Variants in STAB2 observed in about 807,000 individuals in gnomAD.
STAB2 encodes stabilin-2.
Under a neutral mutation model 338.1 loss-of-function variants are expected in STAB2, and 288 were observed. That is an observed-to-expected ratio of 0.85 (90% confidence interval 0.77 to 0.94). STAB2 has a LOEUF of 0.94. Ranked by LOEUF, STAB2 falls within the 40% of genes least tolerant of loss-of-function variation. The pLI is 0.00. For synonymous variants in STAB2, 1,202 were observed against 1,193.3 expected (o/e 1.01, Z -0.15); for missense variants, 3,141 against 3,210.1 (o/e 0.98, Z 0.52).
intron 44 of STAB2, among the ~76,000 whole-genome samples, chr12:103,723,684 G>A (rs11111736): frequency 0.084 from 12,723 of 152,204 alleles, 1,184 homozygotes; most frequent in African/African-American, 0.23. Context: ...AAGTTAGAGT[G>A]GGGCCCAGGA....
rs755366193 is a variant in STAB2 at position 103,750,721 on chromosome 12, G to T, written c.6580+1G>T. On this transcript the variant is annotated splice_donor_variant, in intron 60 of 68. Transcript: ENST00000388887. LOFTEE classifies it high-confidence loss of function. ...AAATGTGTCGACCTCCACTTCCAGG[G>T]TTAGTGTGACCAGGGCCTATGGCCC... is the stretch of plus-strand genomic sequence containing the variant. 5.6e-6 allele frequency: 9 copies of T among 1,612,082 alleles called. No individual in the cohort carries two copies. Among genetic ancestry groups the T allele is most frequent in the Non-Finnish European group, 6.8e-6 (8 of 1,178,490 alleles).
intron 6 of STAB2, 103 bp downstream of exon 6, chr12:103,631,796 C>T: frequency 9.4e-7 from 1 of 1,058,454 alleles, no homozygotes; most frequent in South Asian, 1.5e-5. Flanking sequence ...GGGCAAGGTA[C>T]TACCAAAAGT....
chr12:103,634,928 C>G (rs934168050), intron 6 of STAB2, among the ~76,000 whole-genome samples: 3 of 152,206 alleles, frequency 2.0e-5, no homozygotes, highest in Non-Finnish European at 4.4e-5. Context: ...GTGAACTAGT[C>G]ACGTGATCTT....
intron 25 of STAB2, among the ~76,000 whole-genome samples, chr12:103,678,470 C>T (rs1236576141): frequency 2.6e-5 from 4 of 152,146 alleles, no homozygotes; most frequent in Non-Finnish European, 5.9e-5. Flanking sequence ...GATATTAAAG[C>T]CCACCTCCTA....
intron 19 of STAB2, among the ~76,000 whole-genome samples, chr12:103,667,506 C>T (rs947553611): frequency 2.6e-5 from 4 of 152,164 alleles, no homozygotes; most frequent in Non-Finnish European, 4.4e-5. Context: ...GTTTAATCAC[C>T]ATTCTATGAT....
chr12:103,681,543 C>A (rs1359551666), intron 25 of STAB2, among the ~76,000 whole-genome samples: 1 of 151,842 alleles, frequency 6.6e-6, no homozygotes, highest in African/African-American at 2.4e-5. Context: ...GGACACATCA[C>A]CCTGATCTCT....
At chr12:103,691,502 T>G (rs899746417) in intron 30 of STAB2, among the ~76,000 whole-genome samples, 3 of 152,248 alleles carry the variant, frequency 2.0e-5, no homozygotes, top group Non-Finnish European at 4.4e-5. Flanking sequence ...TAAAATTGTA[T>G]GTATTTAAAG....
intron 40 of STAB2, among the ~76,000 whole-genome samples, chr12:103,711,847 A>G (rs61937834): frequency 0.041 from 6,263 of 152,308 alleles, 170 homozygotes; most frequent in Non-Finnish European, 0.059. Context: ...ACAGCAAGTC[A>G]TAACTTGGCT....
intron 58 of STAB2, among the ~76,000 whole-genome samples, chr12:103,747,335 T>C (rs910222843): frequency 1.4e-4 from 22 of 152,312 alleles, no homozygotes; most frequent in African/African-American, 5.1e-4. Context: ...AGGCAGATGT[T>C]TCCTATTGTC....
intron 62 of STAB2, 67 bp from the exon 63 acceptor site, chr12:103,755,545 A>G: frequency 1.9e-6 from 3 of 1,609,976 alleles, no homozygotes; most frequent in East Asian, 2.2e-5. Flanking sequence ...TCACTCCCCA[A>G]GCAGAAGCAG....
intron 34 of STAB2, 30 bp downstream of exon 34, chr12:103,699,257 A>C: frequency 6.3e-7 from 1 of 1,577,558 alleles, no homozygotes; most frequent in Admixed American, 1.7e-5. Context: ...AACCCCAGCA[A>C]TGCCACCGAG....
In STAB2 at chr12:103,731,741, G is replaced by A. The variant is rs887216241; in HGVS notation, c.5283+106G>A. On this transcript the variant is annotated intron_variant, in intron 50 of 68. Transcript: ENST00000388887. ...TTTGTTTTGACATTGGCCAGCTGTTGTGGGATCTGCATGGGGAAGTCTCAG... is the reference window on the plus strand; with the variant it reads ...TTTGTTTTGACATTGGCCAGCTGTTATGGGATCTGCATGGGGAAGTCTCAG... 7 of 1,138,530 alleles carry A rather than the reference G, an allele frequency of 6.1e-6. No individual in the cohort carries two copies. In the African/African-American group the frequency reaches 7.8e-5, roughly 13 times the overall value. 70.5% of individuals were successfully genotyped at this position (1,138,530 alleles called of 1,614,324 possible).
intron 3 of STAB2, among the ~76,000 whole-genome samples, chr12:103,619,755 CG>C (rs71791276): frequency 0.064 from 9,373 of 146,578 alleles, 503 homozygotes; most frequent in East Asian, 0.18. Context: ...CAACGCCCCC[CG>C]CCCCCGCCAC....
chr12:103,598,817 A>G (rs1956914085), intron 3 of STAB2, among the ~76,000 whole-genome samples: 1 of 152,200 alleles, frequency 6.6e-6, no homozygotes, highest in Non-Finnish European at 1.5e-5. Context: ...AGCACCTACT[A>G]TATGCTGCGT....
chr12:103,755,839 C>A, intron 63 of STAB2, 121 bp downstream of exon 63: 1 of 879,898 alleles, frequency 1.1e-6, no homozygotes, highest in Non-Finnish European at 1.8e-6. Flanking sequence ...GGTGCTGGAC[C>A]ACCTTGCCTG....
chr12:103,717,182 G>T (rs918952339), intron 43 of STAB2, among the ~76,000 whole-genome samples: 1 of 152,196 alleles, frequency 6.6e-6, no homozygotes, highest in Non-Finnish European at 1.5e-5. Context: ...CCCAGTGGCC[G>T]GGTGCTCCTG....
intron 25 of STAB2, among the ~76,000 whole-genome samples, chr12:103,682,209 C>T (rs1205173772): frequency 6.6e-6 from 1 of 152,052 alleles, no homozygotes; most frequent in Non-Finnish European, 1.5e-5. Context: ...CTATAAGAAA[C>T]AGAATGGATC....
chr12:103,668,933 T>C (rs1875444001), intron 20 of STAB2: 1 of 533,026 alleles, frequency 1.9e-6, no homozygotes, highest in South Asian at 2.5e-5. Context: ...TTCCCTACCC[T>C]CTTAACACAG....
intron 19 of STAB2, 76 bp from the exon 20 acceptor site, chr12:103,668,567 G>A (rs2138803846): frequency 7.7e-7 from 1 of 1,293,516 alleles, no homozygotes. Flanking sequence ...AATGGCAAGT[G>A]TCTGCAGAGG....
Sources: allele counts gnomAD v4.1 joint callset (sites outside exome capture counted in the v4.1 genomes callset), GRCh38; gene constraint gnomAD v4.1.1; transcripts MANE v1.5; gene names NCBI Gene and HGNC (gene_info 2026-07-23, HGNC 2026-07-21).